NUBP2: variants seen among roughly 807,000 people sequenced by gnomAD.
NUBP2 encodes the protein cytosolic Fe-S cluster assembly factor NUBP2.
A neutral mutation model predicts 24.9 loss-of-function variants in NUBP2; 23 were observed. The observed-to-expected ratio is 0.92, with a 90% CI of 0.66 to 1.31. The LOEUF is 1.31. Among genes scored for constraint, NUBP2 ranks in the 50% most tolerant of loss-of-function variants. NUBP2 has a pLI of 0.00. For synonymous variants in NUBP2, 186 were observed against 170.9 expected, an observed-to-expected ratio of 1.09 and a Z score of -0.69; for missense variants, 403 against 386.5, an observed-to-expected ratio of 1.04 and a Z score of -0.36.
chr16:1,783,094 G>C, intron 1 of NUBP2, 58 bp downstream of exon 1: 3 of 1,227,230 alleles, frequency 2.4e-6, no homozygotes, highest in Non-Finnish European at 3.0e-6. Context: ...GCCCCGCCGC[G>C]TCCCTTCCCG....
At chr16:1,787,475 AG>A in intron 3 of NUBP2, 1 of 682,212 alleles carries the variant, frequency 1.5e-6, no homozygotes, top group African/African-American at 1.8e-5. Context: ...CACTGCAGAA[AG>A]GGACGCTGTA....
chr16:1,785,878 G>T, intron 1 of NUBP2: 2 of 1,288,910 alleles, frequency 1.6e-6, no homozygotes, highest in Non-Finnish European at 2.0e-6. Flanking sequence ...GAGACAAGGG[G>T]CATGGCCTCA....
intron 4 of NUBP2, 29 bp downstream of exon 4, chr16:1,787,860 T>G (rs777028738): frequency 1.2e-6 from 2 of 1,602,682 alleles, no homozygotes; most frequent in South Asian, 1.1e-5. Context: ...CCCGAGTCCC[T>G]GTGGGTGGCT....
chr16:1,789,023 G>T lies in NUBP2; in HGVS notation c.*309G>T. 3.0e-6 allele frequency: 1 copy of T among 334,234 alleles called. No homozygotes were observed. Among genetic ancestry groups the T allele is most frequent in the Non-Finnish European group, 5.5e-6 (1 of 182,064 alleles). 20.7% of individuals were successfully genotyped at this position (334,234 alleles called of 1,614,324 possible). On this transcript the variant is annotated 3_prime_UTR_variant, in exon 7 of 7. Transcript: ENST00000262302. Reference sequence around the variant, plus strand: ...GTGTCCACACAGTTAGCGGAGCGCGGGACTTCTGCAGTCCTCAGGTGACCC... The same window carrying T: ...GTGTCCACACAGTTAGCGGAGCGCGTGACTTCTGCAGTCCTCAGGTGACCC...
At position 1,788,054 on chromosome 16, in the gene NUBP2, G is replaced by A; in HGVS notation, c.600+3G>A. The stretch of plus-strand genomic sequence containing the variant: ...GCTTCACCTGCCCACACTGCACGGT[G>A]AGTCCCGGGGGTTGCAGAGGGGGCG... On this transcript the variant is annotated splice_donor_region_variant and intron_variant, in intron 5 of 6. Transcript: ENST00000262302. 6.3e-7 allele frequency: 1 copy of A among 1,580,342 alleles called. No homozygotes were observed. Among genetic ancestry groups the A allele is most frequent in the Non-Finnish European group, 8.6e-7 (1 of 1,166,384 alleles).
intron 1 of NUBP2, chr16:1,785,473 C>G (rs1383092593): frequency 8.4e-7 from 1 of 1,188,480 alleles, no homozygotes; most frequent in Admixed American, 3.6e-5. Flanking sequence ...GCATGGCAGT[C>G]AGGACCCAGG....
chr16:1,785,483 G>A (rs2142000556), intron 1 of NUBP2: 1 of 1,190,926 alleles, frequency 8.4e-7, no homozygotes, highest in Non-Finnish European at 1.1e-6. Context: ...CAGGACCCAG[G>A]CCTGACAGAG....
At chr16:1,788,427 G>T in intron 6 of NUBP2, 142 bp from the exon 7 acceptor site, 1 of 1,306,568 alleles carries the variant, frequency 7.7e-7, no homozygotes, top group East Asian at 2.6e-5. Context: ...CTGCTGGGAG[G>T]GCCGCGGGTC....
chr16:1,786,598 TG>T lies in NUBP2; in HGVS notation c.81del (p.Ser29AlafsTer85). ...TGGTCCTCTCAGGAAAGGGGGGCGT[TG>T]GGAAAAGCACCATCTCCACGGAGCT... ...ILVLSGKGGV[G>X]KSTISTELAL... On this transcript the variant is annotated frameshift_variant, in exon 2 of 7. Coordinates refer to ENST00000262302, the MANE Select transcript of NUBP2 (RefSeq NM_012225.4). LOFTEE classifies it high-confidence loss of function. The T allele has an allele frequency of 6.2e-7, 1 of 1,612,300 alleles. No homozygotes were observed.
At chr16:1,784,020 A>G (rs1232290064) in intron 1 of NUBP2, 1 of 984,720 alleles carries the variant, frequency 1.0e-6, no homozygotes, top group South Asian at 4.7e-5. Context: ...TCCAGAGGAG[A>G]AGCCTGGAAA....
intron 1 of NUBP2, chr16:1,784,448 G>C (rs1896867785): frequency 6.6e-6 from 1 of 152,022 alleles, no homozygotes; most frequent in Admixed American, 6.6e-5. Flanking sequence ...CCAGGCTGGA[G>C]TGCAGTGGCA....
chr16:1,783,753 G>A (rs1240235034), intron 1 of NUBP2: 1 of 165,860 alleles, frequency 6.0e-6, no homozygotes, highest in African/African-American at 2.4e-5. Flanking sequence ...GAGTGCAGTG[G>A]CGCGGTCTCG....
In NUBP2 at chr16:1,786,283, C is replaced by T; in HGVS notation, c.17-254C>T. 16 of 527,708 alleles carry T rather than the reference C, an allele frequency of 3.0e-5. No individual in the cohort carries two copies. The South Asian group carries it at 4.1e-4, about 13-fold the overall frequency. 32.7% of individuals were successfully genotyped at this position (527,708 alleles called of 1,614,324 possible). A position where few individuals can be genotyped will look rare whatever the true frequency, so the allele number is the denominator to read the frequency against. ...ACAGCGAGAGGAGTTGGGCAGTTTC[C>T]ACTCTCAGCAGCGCCGCCTCAGGCA... is the stretch of plus-strand genomic sequence containing the variant. On this transcript the variant is annotated intron_variant, in intron 1 of 6. Transcript: ENST00000262302.
intron 6 of NUBP2, 72 bp downstream of exon 6, chr16:1,788,279 A>G (rs1897085822): frequency 7.3e-7 from 1 of 1,363,194 alleles, no homozygotes; most frequent in South Asian, 1.5e-5. Context: ...TTTGACCTCC[A>G]TGCCCCCAGT....
At chr16:1,785,368 A>G in intron 1 of NUBP2, 2 of 1,144,378 alleles carry the variant, frequency 1.7e-6, no homozygotes, top group Middle Eastern at 4.1e-4. Context: ...CATGGTGCTC[A>G]GCCCAACACA....
rs762103052 is a variant in NUBP2 at position 1,786,815 on chromosome 16, A to G, written c.194A>G (p.Gln65Arg). Reference sequence around the variant, plus strand: ...AGTATCCCCCGCATGCTCGGGGCGCAGGGCAGGGCTGTGCACCAGTGCGAC... The same window carrying G: ...AGTATCCCCCGCATGCTCGGGGCGCGGGGCAGGGCTGTGCACCAGTGCGAC... ...GPSIPRMLGA[Q>R]GRAVHQCDRG... is the part of the protein sequence containing the mutation. Residue 65 changes from glutamine to arginine, a missense_variant, in exon 3 of 7, where the codon CAG becomes CGG. Physicochemically the swap from Gln to Arg is conservative, Grantham distance 43. Coordinates refer to ENST00000262302, the MANE Select transcript of NUBP2 (RefSeq NM_012225.4). 1 of 1,608,506 alleles carries G rather than the reference A, an allele frequency of 6.2e-7. No individual in the cohort carries two copies. Among genetic ancestry groups the G allele is most frequent in the South Asian group, 1.1e-5 (1 of 90,886 alleles).
At position 1,787,833 on chromosome 16, in the gene NUBP2, T is replaced by TCACCTCG; in HGVS notation, c.489+2_489+3insCACCTCG. On this transcript the variant is annotated splice_region_variant and intron_variant, in intron 4 of 6. Transcript: ENST00000262302. The stretch of plus-strand genomic sequence containing the variant: ...GCCCTCGTGGTCACCACGCCCCAGG[T>TCACCTCG]AGCGCTGCGGCACCTTCCCGAGTCC... 6.2e-7 allele frequency: 1 copy of TCACCTCG among 1,609,290 alleles called. No individual in the cohort carries two copies. Among genetic ancestry groups the TCACCTCG allele is most frequent in the Non-Finnish European group, 8.5e-7 (1 of 1,178,624 alleles).
Position 1,788,804 on chromosome 16 carries a change from C to A in NUBP2, c.*90C>A. The A allele has an allele frequency of 6.9e-7, 1 of 1,455,604 alleles. No individual in the cohort carries two copies. Among genetic ancestry groups the A allele is most frequent in the Non-Finnish European group, 9.1e-7 (1 of 1,097,960 alleles). 90.2% of individuals were successfully genotyped at this position (1,455,604 alleles called of 1,614,324 possible). On this transcript the variant is annotated 3_prime_UTR_variant, in exon 7 of 7. Transcript: ENST00000262302. ...CAGAGGCCTGGGCTCGGTTCCCGGG[C>A]CCTGCAGGGGCAGGCCCAGGCAGCG...
intron 5 of NUBP2, 25 bp downstream of exon 5, chr16:1,788,076 G>A: frequency 6.4e-7 from 1 of 1,567,738 alleles, no homozygotes; most frequent in Non-Finnish European, 8.6e-7. Context: ...TTGCAGAGGG[G>A]GCGAGGCAGC....
Sources: allele counts gnomAD v4.1 joint callset, GRCh38; gene constraint gnomAD v4.1.1; transcripts MANE v1.5; gene names NCBI Gene and HGNC (gene_info 2026-07-23, HGNC 2026-07-21).